USH2A: variants seen among roughly 807,000 people sequenced by gnomAD.
USH2A encodes Usher syndrome 2A (autosomal recessive, mild).
A neutral mutation model predicts 538.9 loss-of-function variants in USH2A; 443 were observed. The observed-to-expected ratio is 0.82, with a 90% CI of 0.76 to 0.89. USH2A has a LOEUF of 0.89. USH2A is among the 40% of genes least tolerant of loss of function. USH2A has a pLI of 0.00. For missense variants in USH2A, 6,633 were observed against 6,324.8 expected (o/e 1.05, Z -1.65); for synonymous variants, 2,413 against 2,273.5 (o/e 1.06, Z -1.75).
At position 215,976,741 on chromosome 1, in the gene USH2A, T is replaced by C. The variant is rs574306766; in HGVS notation, c.6806-5965A>G. 2.6e-4 allele frequency among the ~76,000 whole-genome samples: 40 copies of C among 152,298 alleles called. 1 individual carries two copies. In the South Asian group the frequency reaches 7.9e-3, roughly 30 times the overall value. The stretch of plus-strand genomic sequence containing the variant: ...TTGAATTAACTTTTTGCTGTGCTGT[T>C]GAATTTGGTTTGCTAGTATTTTGTT... On this transcript the variant is annotated intron_variant, in intron 35 of 71. Coordinates refer to ENST00000307340, the MANE Select transcript of USH2A (RefSeq NM_206933.4).
chr1:215,848,154 A>G (rs1009739783), intron 44 of USH2A, among the ~76,000 whole-genome samples: 12 of 152,198 alleles, frequency 7.9e-5, no homozygotes, highest in South Asian at 2.1e-4. Context: ...CCATGGGTGT[A>G]GTGAGTGCAA....
At chr1:216,022,364 T>C (rs1668863235) in intron 32 of USH2A, among the ~76,000 whole-genome samples, 1 of 152,112 alleles carries the variant, frequency 6.6e-6, no homozygotes, top group Admixed American at 6.6e-5. Context: ...TTAACTCAGA[T>C]ATCTCTGAAC....
intron 58 of USH2A, among the ~76,000 whole-genome samples, chr1:215,747,886 G>T (rs61828198): frequency 0.23 from 21,916 of 93,892 alleles, 1,848 homozygotes; most frequent in Non-Finnish European, 0.26. Context: ...TTGTTTGTTT[G>T]TTTGGTTTTT....
At chr1:216,098,750 T>TA (rs963071489) in intron 21 of USH2A, among the ~76,000 whole-genome samples, 2 of 151,966 alleles carry the variant, frequency 1.3e-5, no homozygotes, top group African/African-American at 4.8e-5. Flanking sequence ...AAAAGACAAT[T>TA]AAAAAAATGT....
At chr1:215,953,401 A>G (rs1666979238) in intron 37 of USH2A, among the ~76,000 whole-genome samples, 1 of 152,194 alleles carries the variant, frequency 6.6e-6, no homozygotes, top group African/African-American at 2.4e-5. Flanking sequence ...GCCCTCAGAA[A>G]TAATGCTGCA....
intron 12 of USH2A, 111 bp downstream of exon 12, chr1:216,250,788 TCCAG>T: frequency 1.8e-6 from 2 of 1,123,500 alleles, no homozygotes; most frequent in Admixed American, 2.0e-5. Flanking sequence ...TGTTTTTTTT[TCCAG>T]CCTGTCTTGA....
intron 58 of USH2A, among the ~76,000 whole-genome samples, chr1:215,747,870 TTTTGTTTG>T (rs1223840838): frequency 7.2e-6 from 1 of 139,402 alleles, no homozygotes; most frequent in Non-Finnish European, 1.6e-5. Flanking sequence ...TTTTGTTTTT[TTTTGTTTG>T]TTTGTTTGTT....
At chr1:216,305,419 T>C (rs1261755502) in intron 9 of USH2A, among the ~76,000 whole-genome samples, 1 of 152,132 alleles carries the variant, frequency 6.6e-6, no homozygotes, top group East Asian at 1.9e-4. Flanking sequence ...GTTAGATGAG[T>C]CTCTTGAGGA....
chr1:216,258,119 T>A (rs1179964931), intron 11 of USH2A, among the ~76,000 whole-genome samples: 1 of 152,126 alleles, frequency 6.6e-6, no homozygotes, highest in Non-Finnish European at 1.5e-5. Flanking sequence ...TGTGAATTTT[T>A]TCTTGTTAGG....
rs554356886 is a variant in USH2A at position 215,625,736 on chromosome 1, T to A, written c.*45A>T. The A allele has an allele frequency of 3.8e-6, 6 of 1,568,440 alleles. No homozygotes were observed. The East Asian group carries it at 1.3e-4, about 35-fold the overall frequency. ...GAGTGATAACCCAGGAGGAAATGGG[T>A]GCAGACCTTGCATTCCAGGGTTACG... On this transcript the variant is annotated 3_prime_UTR_variant, in exon 72 of 72. Transcript: ENST00000307340.
chr1:216,283,361 A>G (rs1024059852), intron 11 of USH2A, among the ~76,000 whole-genome samples: 16 of 152,196 alleles, frequency 1.1e-4, no homozygotes, highest in Admixed American at 1.0e-3. Context: ...AAGTGCTGGG[A>G]TTACAGGCAT....
At chr1:215,664,262 A>T (rs1265339420) in intron 64 of USH2A, among the ~76,000 whole-genome samples, 1 of 152,230 alleles carries the variant, frequency 6.6e-6, no homozygotes, top group Admixed American at 6.5e-5. Context: ...ATTTATTTAC[A>T]TTCATATGTT....
At chr1:216,308,750 A>C (rs909613556) in intron 9 of USH2A, among the ~76,000 whole-genome samples, 9 of 152,328 alleles carry the variant, frequency 5.9e-5, no homozygotes, top group Middle Eastern at 3.4e-3. Context: ...TATGAGATGC[A>C]TGTAAACTTA....
intron 55 of USH2A, among the ~76,000 whole-genome samples, chr1:215,778,923 A>C (rs1456628855): frequency 6.6e-6 from 1 of 152,218 alleles, no homozygotes; most frequent in Admixed American, 6.5e-5. Context: ...TGCATAGTGC[A>C]CTCAAAGTGC....
rs1472492116 is a variant in USH2A at position 216,418,588 on chromosome 1, C to A, written c.577G>T (p.Gly193Cys). Residue 193 changes from glycine (G) to cysteine (C), a missense_variant, in exon 3 of 72, where the codon GGT (glycine) becomes TGT (cysteine). Gly to Cys is a radical substitution (Grantham distance 159, BLOSUM62 -3). Coordinates refer to ENST00000307340, the MANE Select transcript of USH2A (RefSeq NM_206933.4). ...ETMFYYRTVN[G>C]LQPPIKVMTL... ...ATTACTTTTATTGGAGGTTGCAAAC[C>A]ATTTACTGTGCGATAATAAAACATG... is the stretch of plus-strand genomic sequence containing the variant. 1.9e-6 allele frequency: 3 copies of A among 1,613,180 alleles called. No individual in the cohort carries two copies. The highest frequency in any genetic ancestry group is 2.2e-5 in the East Asian group (1 of 44,828).
At chr1:215,637,581 C>A (rs998060002) in intron 69 of USH2A, among the ~76,000 whole-genome samples, 77 of 152,268 alleles carry the variant, frequency 5.1e-4, no homozygotes, top group African/African-American at 1.7e-3. Context: ...TAAATGAGAT[C>A]TGTTCTATCC....
At chr1:215,683,937 C>A (rs1192920349) in intron 61 of USH2A, among the ~76,000 whole-genome samples, 2 of 151,202 alleles carry the variant, frequency 1.3e-5, no homozygotes, top group African/African-American at 4.9e-5. Context: ...CATTCTATGT[C>A]CACGTCCATA....
At position 216,199,991 on chromosome 1, in the gene USH2A, C is replaced by T; in HGVS notation, c.3447G>A (p.Glu1149=). The T allele has an allele frequency of 6.2e-7, 1 of 1,614,068 alleles. No homozygotes were observed. Among genetic ancestry groups the T allele is most frequent in the Non-Finnish European group, 8.5e-7 (1 of 1,179,984 alleles). ...VTYKTKPGVP[E]GNLTLSYIIP... is the part of the protein sequence containing the mutation. ...TGATATAACTTAAAGTCAAGTTTCC[C>T]TCTGGGACCCCTGGTTTTGTCTTGT... The change falls in exon 17 of 72, where the codon GAG becomes GAA. Residue 1149 remains glutamate (E), a synonymous_variant. Coordinates refer to ENST00000307340, the MANE Select transcript of USH2A (RefSeq NM_206933.4).
intron 11 of USH2A, among the ~76,000 whole-genome samples, chr1:216,253,916 G>C (rs935650302): frequency 2.0e-5 from 3 of 152,062 alleles, no homozygotes; most frequent in African/African-American, 7.2e-5. Flanking sequence ...ACCATCTTCT[G>C]TGGCTTCTCT....
Sources: gnomAD v4.1 joint callset for allele counts (sites outside exome capture counted in the v4.1 genomes callset) on GRCh38, gnomAD v4.1.1 for gene constraint, MANE v1.5 for transcripts, NCBI Gene and HGNC (gene_info 2026-07-23, HGNC 2026-07-21) for gene names.